Variants in FMO4 observed in about 807,000 individuals in gnomAD.
FMO4 encodes the protein dimethylaniline monooxygenase [N-oxide-forming] 4.
Under a neutral mutation model 43.3 loss-of-function variants are expected in FMO4, and 38 were observed. That is an observed-to-expected ratio of 0.88 (90% CI 0.68 to 1.15). The LOEUF is 1.15. Ranked by LOEUF, FMO4 falls within the 50% of genes most tolerant of loss-of-function variation. The pLI is 0.00. For missense variants in FMO4, 631 were observed against 663.3 expected (o/e 0.95, Z 0.54); for synonymous variants, 224 against 232.2 (o/e 0.96, Z 0.32).
chr1:171,329,205 A>G (rs1312918134), intron 5 of FMO4, among the ~76,000 whole-genome samples: 2 of 151,004 alleles, frequency 1.3e-5, no homozygotes, highest in Non-Finnish European at 2.9e-5. Flanking sequence ...AACTGGCCCC[A>G]ATCCTGGGCT....
chr1:171,331,896 G>T, intron 6 of FMO4, 114 bp downstream of exon 6: 10 of 799,024 alleles, frequency 1.3e-5, no homozygotes, highest in South Asian at 2.0e-5. Context: ...CAGACACACA[G>T]TAAGTGGGAA....
intron 6 of FMO4, among the ~76,000 whole-genome samples, chr1:171,331,997 A>C (rs1185625658): frequency 1.3e-5 from 2 of 152,192 alleles, no homozygotes; most frequent in Non-Finnish European, 2.9e-5. Flanking sequence ...ACTATCTCCA[A>C]GAAGGGTCTA....
Position 171,341,589 on chromosome 1 carries a change from CTGGAAAATGGGA to C in FMO4, c.1432_1443del (p.Lys478_Gly481del). The C allele has an allele frequency of 6.2e-7, 1 of 1,614,052 alleles. No individual in the cohort carries two copies. Among genetic ancestry groups the C allele is most frequent in the Non-Finnish European group, 8.5e-7 (1 of 1,179,988 alleles). ...CCTTATCAGTACCGCCTCATGGGCC[CTGGAAAATGGGA>C]TGGAGCCAGAAATGCCATCCTGACC... is the stretch of plus-strand genomic sequence containing the variant. On this transcript the variant is annotated inframe_deletion, in exon 10 of 10. Coordinates refer to ENST00000367749, the MANE Select transcript of FMO4 (RefSeq NM_002022.3).
intron 2 of FMO4, among the ~76,000 whole-genome samples, chr1:171,317,540 G>A (rs1268440499): frequency 6.6e-6 from 1 of 152,146 alleles, no homozygotes; most frequent in Non-Finnish European, 1.5e-5. Context: ...CAGCCCATTT[G>A]ATTGAGGCAA....
chr1:171,335,444 A>G (rs1301839945), intron 8 of FMO4, among the ~76,000 whole-genome samples: 2 of 152,200 alleles, frequency 1.3e-5, no homozygotes, highest in Admixed American at 6.5e-5. Flanking sequence ...GACCATTGCT[A>G]TTGCTATCAT....
intron 5 of FMO4, among the ~76,000 whole-genome samples, chr1:171,329,381 C>T (rs1478601728): frequency 1.3e-5 from 2 of 152,162 alleles, no homozygotes; most frequent in East Asian, 1.9e-4. Flanking sequence ...CCCAGTTCTC[C>T]CCAGGTCATC....
intron 5 of FMO4, among the ~76,000 whole-genome samples, chr1:171,329,431 A>G (rs1662809326): frequency 6.6e-6 from 1 of 152,116 alleles, no homozygotes; most frequent in Non-Finnish European, 1.5e-5. Flanking sequence ...CGTGTGTTCA[A>G]ATTGCCACCT....
chr1:171,319,351 C>T (rs1195944596), intron 2 of FMO4, among the ~76,000 whole-genome samples: 1 of 152,142 alleles, frequency 6.6e-6, no homozygotes, highest in Non-Finnish European at 1.5e-5. Flanking sequence ...TCTGCTCTGC[C>T]ACTGGAGCTT....
At chr1:171,339,223 C>T (rs1333856384) in intron 9 of FMO4, among the ~76,000 whole-genome samples, 2 of 152,164 alleles carry the variant, frequency 1.3e-5, no homozygotes, top group Non-Finnish European at 2.9e-5. Flanking sequence ...ATTCATTCAA[C>T]AGCTGTTCTA....
At chr1:171,324,104 TAGTG>T in intron 4 of FMO4, 30 bp from the exon 5 acceptor site, 1 of 1,579,566 alleles carries the variant, frequency 6.3e-7, no homozygotes. Context: ...CCAAGGGTGT[TAGTG>T]AGAAGTGAGT....
chr1:171,329,113 C>G (rs1440317557), intron 5 of FMO4, among the ~76,000 whole-genome samples: 1 of 152,166 alleles, frequency 6.6e-6, no homozygotes, highest in African/African-American at 2.4e-5. Context: ...GAACCCTAAA[C>G]CTACCAGCTG....
chr1:171,316,968 G>A (rs972743593), intron 2 of FMO4, among the ~76,000 whole-genome samples: 13 of 152,106 alleles, frequency 8.5e-5, no homozygotes, highest in Non-Finnish European at 8.8e-5. Flanking sequence ...ACAAGCTACA[G>A]AGCCATAGAG....
At chr1:171,322,763 GA>G (rs1265659515) in intron 3 of FMO4, among the ~76,000 whole-genome samples, 2 of 152,208 alleles carry the variant, frequency 1.3e-5, no homozygotes, top group Non-Finnish European at 2.9e-5. Flanking sequence ...TGAGGCATGA[GA>G]ATCGCTTGAA....
chr1:171,337,579 C>T (rs1355587340), intron 9 of FMO4, among the ~76,000 whole-genome samples, 154 bp downstream of exon 9: 3 of 152,206 alleles, frequency 2.0e-5, no homozygotes, highest in African/African-American at 7.2e-5. Context: ...AGTCCTAACT[C>T]TGCCACCAAT....
At position 171,316,917 on chromosome 1, in the gene FMO4, C is replaced by A. The variant is rs990889834; in HGVS notation, c.-9+590C>A. 2.0e-5 allele frequency among the ~76,000 whole-genome samples: 3 copies of A among 152,122 alleles called. 1 individual carries two copies. Among genetic ancestry groups the A allele is most frequent in the African/African-American group, 7.2e-5 (3 of 41,428 alleles). Reference sequence around the variant, plus strand: ...CTTTACTCCCTCCAGTCAGTAAATTCTCTTAGATTTTGTGCCTGGGGCTTC... The same window carrying A: ...CTTTACTCCCTCCAGTCAGTAAATTATCTTAGATTTTGTGCCTGGGGCTTC... On this transcript the variant is annotated intron_variant, in intron 2 of 9. Transcript: ENST00000367749.
In FMO4 at chr1:171,314,411, A is replaced by G. The variant is rs1026939111; in HGVS notation, c.-153A>G. ...TCAAAGAATCTGCTCTATGCTAACC[A>G]AGGTAAGTGTCCTGGATTTTTTTTT... On this transcript the variant is annotated splice_region_variant and 5_prime_UTR_variant, in exon 1 of 10. Coordinates refer to ENST00000367749, the MANE Select transcript of FMO4 (RefSeq NM_002022.3). 3.9e-5 allele frequency: 6 copies of G among 152,020 alleles called. No individual in the cohort carries two copies. The highest frequency in any genetic ancestry group is 2.6e-4 in the Admixed American group (4 of 15,254). 9.4% of individuals were successfully genotyped at this position (152,020 alleles called of 1,614,324 possible).
Position 171,332,717 on chromosome 1 carries a change from C to T in FMO4, c.636C>T (p.Leu212=). The T allele has an allele frequency of 3.1e-6, 5 of 1,606,904 alleles. No homozygotes were observed. Among genetic ancestry groups the T allele is most frequent in the Non-Finnish European group, 4.3e-6 (5 of 1,174,248 alleles). Residue 212 remains leucine, a synonymous_variant, in exon 7 of 10, where the codon CTC becomes CTT. Transcript: ENST00000367749. ...CTTACTTTACTTTTTAGGTACTTCT[C>T]AGTACTAGAACTGGTACCTGGGTTC... ...ELSRTAAQVL[L]STRTGTWVLG...
At chr1:171,323,333 C>A (rs753953964) in intron 4 of FMO4, 141 bp downstream of exon 4, 83 of 617,596 alleles carry the variant, frequency 1.3e-4, no homozygotes, top group Non-Finnish European at 2.1e-4. Flanking sequence ...TCCTCACTTC[C>A]GCTGCTGCTC....
intron 7 of FMO4, chr1:171,333,203 G>A (rs1662975297): frequency 7.7e-6 from 2 of 261,240 alleles, no homozygotes; most frequent in South Asian, 9.7e-5. Context: ...TTGTTGTTGG[G>A]GTTTTTTTGT....
Sources: gnomAD v4.1 joint callset for allele counts (sites outside exome capture counted in the v4.1 genomes callset) on GRCh38, gnomAD v4.1.1 for gene constraint, MANE v1.5 for transcripts, NCBI Gene and HGNC (gene_info 2026-07-23, HGNC 2026-07-21) for gene names.